The following CRX variants were observed in gnomAD, a reference collection of about 807,000 sequenced individuals.
CRX encodes cone-rod homeobox, also known as cone-rod homeobox protein.
Under a neutral mutation model 13.1 loss-of-function variants are expected in CRX, and 5 were observed. The observed-to-expected ratio is 0.38, with a 90% CI of 0.20 to 0.80. CRX has a LOEUF of 0.80. Ranked by LOEUF, CRX falls within the 30% of genes least tolerant of loss-of-function variation. CRX has a pLI of 0.43. For missense variants in CRX, 351 were observed against 391.8 expected (o/e 0.90, Z 0.88); for synonymous variants, 179 against 171.1 (o/e 1.05, Z -0.36).
intron 1 of CRX, among the ~76,000 whole-genome samples, chr19:47,828,934 A>G (rs1968010637): frequency 6.7e-6 from 1 of 148,364 alleles, no homozygotes; most frequent in Non-Finnish European, 1.5e-5. Flanking sequence ...ACACACACAC[A>G]CACACACAAT....
intron 1 of CRX, among the ~76,000 whole-genome samples, chr19:47,825,019 C>T (rs1481606513): frequency 2.1e-5 from 2 of 95,866 alleles, no homozygotes; most frequent in Non-Finnish European, 4.0e-5. Context: ...GGGATGGAGT[C>T]GTGCTCTGTC....
In CRX at chr19:47,842,609, AG is replaced by A. The variant is rs773565258; in HGVS notation, c.*2644del. ...ATAATAACAACAACAAAAATAACCC[AG>A]GAGTGGCTCAAGAGTCCAGTGTGGG... On this transcript the variant is annotated 3_prime_UTR_variant, in exon 4 of 4. Transcript: ENST00000221996. 5 of 152,156 alleles carry A rather than the reference AG, an allele frequency of 3.3e-5. No individual in the cohort carries two copies. Among genetic ancestry groups the A allele is most frequent in the Non-Finnish European group, 7.3e-5 (5 of 68,064 alleles). 9.4% of individuals were successfully genotyped at this position (152,156 alleles called of 1,614,324 possible).
At chr19:47,824,942 CTT>C (rs201171832) in intron 1 of CRX, among the ~76,000 whole-genome samples, 30 of 122,958 alleles carry the variant, frequency 2.4e-4, no homozygotes, top group African/African-American at 6.2e-4. Context: ...CCTGGACATT[CTT>C]TTTTTTTTTT....
In CRX at chr19:47,839,845, G is replaced by A. The variant is rs370592248; in HGVS notation, c.778G>A (p.Ala260Thr). ...CTCCCTATCAGGCCAGAGCTATGGC[G>A]CCTACAGCCCCGTGGATAGCTTGGA... ...PTSLSGQSYGAYSPVDSLEFK... is the reference protein window; with the variant it reads ...PTSLSGQSYGTYSPVDSLEFK... The change falls in exon 4 of 4, where the codon GCC becomes ACC. Residue 260 changes from alanine to threonine, a missense_variant. Physicochemically the swap from Ala to Thr is moderately conservative, Grantham distance 58. Around this residue, in one of 3 missense-constraint regions of CRX, gnomAD observed 253 missense variants for 268.3 expected, o/e 0.94. Coordinates refer to ENST00000221996, the MANE Select transcript of CRX (RefSeq NM_000554.6). This position sits in a 1 kb window ranked among gnomAD's most constrained non-coding sequence, Gnocchi z 4.6. The A allele has an allele frequency of 4.4e-5, 71 of 1,613,960 alleles. No individual in the cohort carries two copies. The African/African-American group carries it at 7.7e-4, about 18-fold the overall frequency.
rs955358343 is a variant in CRX, at chr19:47,834,488, C to G, written c.45C>G (p.Ala15=). 6.2e-7 allele frequency: 1 copy of G among 1,614,072 alleles called. No homozygotes were observed. The highest frequency in any genetic ancestry group is 1.3e-5 in the African/African-American group (1 of 74,922). The part of the protein sequence containing the change: ...MNPGPHYSVN[A]LALSGPSVDL... ...CGGGGCCCCACTATTCTGTCAACGCCTTGGCCCTAAGTGGCCCCAGTGTGG... is the reference window on the plus strand; with the variant it reads ...CGGGGCCCCACTATTCTGTCAACGCGTTGGCCCTAAGTGGCCCCAGTGTGG... Residue 15 remains alanine (A), a synonymous_variant, in exon 2 of 4, where the codon GCC becomes GCG. Transcript: ENST00000221996.
chr19:47,831,178 A>G (rs1439652188), intron 1 of CRX, among the ~76,000 whole-genome samples: 3 of 151,880 alleles, frequency 2.0e-5, no homozygotes, highest in East Asian at 3.9e-4. Context: ...ATGGTGGCGC[A>G]TGCCTGTAAT....
chr19:47,837,696 TC>T (rs1437822919), intron 3 of CRX, among the ~76,000 whole-genome samples: 6 of 152,120 alleles, frequency 3.9e-5, no homozygotes, highest in African/African-American at 9.7e-5. Flanking sequence ...ATTAGATAGA[TC>T]CATTAATGCA....
In CRX at chr19:47,829,620, T is replaced by G. The variant is rs1337752544; in HGVS notation, c.-35-4789T>G. 6.6e-5 allele frequency among the ~76,000 whole-genome samples: 10 copies of G among 151,810 alleles called. No homozygotes were observed. In the East Asian group the frequency reaches 1.9e-3, roughly 30 times the overall value. ...TGCTGGCATTACAGGCGTGAGCAAC[T>G]GCACCTGGCCTATTTATTGTTATTA... On this transcript the variant is annotated intron_variant, in intron 1 of 3. Coordinates refer to ENST00000221996, the MANE Select transcript of CRX (RefSeq NM_000554.6).
At chr19:47,825,779 G>T (rs546424083) in intron 1 of CRX, among the ~76,000 whole-genome samples, 1 of 126,564 alleles carries the variant, frequency 7.9e-6, no homozygotes, top group East Asian at 1.9e-4. Context: ...AAAAAAATTA[G>T]CCAGGCATGA....
chr19:47,834,013 A>G (rs1968086549), intron 1 of CRX, among the ~76,000 whole-genome samples: 1 of 140,468 alleles, frequency 7.1e-6, no homozygotes, highest in Non-Finnish European at 1.6e-5. Flanking sequence ...TTTTTTTTTT[A>G]AGAGACAGGG....
intron 1 of CRX, among the ~76,000 whole-genome samples, chr19:47,829,422 C>A (rs1051770613): frequency 2.0e-5 from 3 of 152,134 alleles, no homozygotes; most frequent in Non-Finnish European, 2.9e-5. Context: ...ACCTCTGCCT[C>A]CCGGGTTCAA....
chr19:47,826,307 T>C (rs977081737), intron 1 of CRX, among the ~76,000 whole-genome samples: 1 of 150,298 alleles, frequency 6.7e-6, no homozygotes, highest in Admixed American at 6.6e-5. Context: ...AGATGTTCTC[T>C]AAACTGTAAG....
rs1415693770 is a variant in CRX at position 47,842,179 on chromosome 19, C to G, written c.*2212C>G. 1 of 152,352 alleles carries G rather than the reference C, an allele frequency of 6.6e-6. No homozygotes were observed. Among genetic ancestry groups the G allele is most frequent in the Non-Finnish European group, 1.5e-5 (1 of 68,146 alleles). The allele number at this position is 152,352 out of a possible 1,614,324, so 9.4% of individuals were successfully genotyped here. A position where few individuals can be genotyped will look rare whatever the true frequency, so the allele number is the denominator to read the frequency against. On this transcript the variant is annotated 3_prime_UTR_variant, in exon 4 of 4. Coordinates refer to ENST00000221996, the MANE Select transcript of CRX (RefSeq NM_000554.6). ...CCAGAAGAGGTGCACACAGCCTAGA[C>G]CCCCTGAGGGGTACACCCTGATCTC...
chr19:47,837,056 A>C (rs1267462206), intron 3 of CRX, among the ~76,000 whole-genome samples: 1 of 152,200 alleles, frequency 6.6e-6, no homozygotes, highest in Non-Finnish European at 1.5e-5. Context: ...GTGTGTTTGC[A>C]TGAACGCACA....
rs529826011 is a variant in CRX at position 47,839,201 on chromosome 19, A to C, written c.253-119A>C. 5.4e-6 allele frequency: 6 copies of C among 1,106,360 alleles called. No individual in the cohort carries two copies. The highest frequency in any genetic ancestry group is 7.8e-6 in the Non-Finnish European group (6 of 771,904). The allele number at this position is 1,106,360 out of a possible 1,614,324, so 68.5% of individuals were successfully genotyped here. A position where few individuals can be genotyped will look rare whatever the true frequency, so the allele number is the denominator to read the frequency against. ...ATAGACGCCCCACAGCTGGATGCAA[A>C]GTAGACAGATGTGAACCCAGCACCT... On this transcript the variant is annotated intron_variant, in intron 3 of 3. Coordinates refer to ENST00000221996, the MANE Select transcript of CRX (RefSeq NM_000554.6). This position sits in a 1 kb window ranked among gnomAD's most constrained non-coding sequence, Gnocchi z 4.6.
Position 47,841,368 on chromosome 19 carries a change from C to T in CRX, c.*1401C>T, listed in dbSNP as rs1968194595. 6.6e-6 allele frequency: 1 copy of T among 151,850 alleles called. No homozygotes were observed. The highest frequency in any genetic ancestry group is 2.4e-5 in the African/African-American group (1 of 41,340). The allele number at this position is 151,850 out of a possible 1,614,324, so 9.4% of individuals were successfully genotyped here. On this transcript the variant is annotated 3_prime_UTR_variant, in exon 4 of 4. Transcript: ENST00000221996. ...CCTGTTCCATCTCTACTCCTTTTTT[C>T]TTTTGTTTTAGGATTTTCTAAAGGT...
intron 3 of CRX, 31 bp downstream of exon 3, chr19:47,836,425 A>T: frequency 6.2e-7 from 1 of 1,614,062 alleles, no homozygotes; most frequent in Non-Finnish European, 8.5e-7. Flanking sequence ...ACCCCTCCCG[A>T]CACTTCCTGT....
rs145243336 is a variant in CRX, at chr19:47,840,398, T to G, written c.*431T>G. 383 of 217,660 alleles carry G rather than the reference T, an allele frequency of 1.8e-3. 1 individual carries two copies. Among genetic ancestry groups the G allele is most frequent in the African/African-American group, 7.1e-3 (306 of 43,112 alleles). The allele number at this position is 217,660 out of a possible 1,614,324, so 13.5% of individuals were successfully genotyped here. A position where few individuals can be genotyped will look rare whatever the true frequency, so the allele number is the denominator to read the frequency against. ...ACTTTCCACGTGGACAGAATTTTTT[T>G]TTTTGTTTTGTTTTTGTTTTGCAGA... On this transcript the variant is annotated 3_prime_UTR_variant, in exon 4 of 4. Coordinates refer to ENST00000221996, the MANE Select transcript of CRX (RefSeq NM_000554.6).
chr19:47,834,079 C>A (rs560291684), intron 1 of CRX, among the ~76,000 whole-genome samples: 29 of 151,404 alleles, frequency 1.9e-4, no homozygotes, highest in Middle Eastern at 3.4e-3. Context: ...GATCCTCCCG[C>A]CTTGGCCTCC....
Sources: allele counts gnomAD v4.1 joint callset (sites outside exome capture counted in the v4.1 genomes callset), GRCh38; gene constraint gnomAD v4.1.1; regional missense constraint gnomAD v4.1.1; non-coding constraint Gnocchi (gnomAD v3.1); transcripts MANE v1.5; gene names NCBI Gene and HGNC (gene_info 2026-07-23, HGNC 2026-07-21).